The following ZNF225 variants were observed in gnomAD, a reference collection of about 807,000 sequenced individuals.
ZNF225 encodes zinc finger protein 225.
Under a neutral mutation model 12.0 loss-of-function variants are expected in ZNF225, and 6 were observed. The observed-to-expected ratio is 0.50, with a 90% CI of 0.27 to 0.98. The LOEUF (loss-of-function observed/expected upper bound fraction) is 0.98. Among genes scored for constraint, ZNF225 ranks in the 50% least tolerant of loss-of-function variants. The pLI is 0.11. For synonymous variants in ZNF225, 271 were observed against 283.2 expected (o/e 0.96, Z 0.43); for missense variants, 763 against 848.2 (o/e 0.90, Z 1.25).
chr19:44,128,255 A>G (rs1968187002), intron 4 of ZNF225, among the ~76,000 whole-genome samples: 1 of 152,212 alleles, frequency 6.6e-6, no homozygotes, highest in Non-Finnish European at 1.5e-5. Context: ...AGCGTGGTAT[A>G]TATTTCTGCA....
chr19:44,129,166 A>G (rs1350548513), intron 4 of ZNF225: 1 of 1,119,664 alleles, frequency 8.9e-7, no homozygotes, highest in Non-Finnish European at 1.1e-6. Context: ...AAATTCTTGT[A>G]CAGGAATACT....
intron 2 of ZNF225, among the ~76,000 whole-genome samples, chr19:44,116,620 AAAAG>A (rs1470516194): frequency 6.6e-6 from 1 of 152,252 alleles, no homozygotes; most frequent in Non-Finnish European, 1.5e-5. Context: ...ACAGAATAGA[AAAAG>A]AAAATCCAAA....
At chr19:44,118,442 G>T (rs1236777440) in intron 3 of ZNF225, 40 bp from the exon 4 acceptor site, 2 of 1,612,004 alleles carry the variant, frequency 1.2e-6, no homozygotes, top group South Asian at 2.2e-5. Flanking sequence ...TTTTTTCTAG[G>T]ATATATTGGC....
rs10418466 is a variant in ZNF225 at position 44,116,154 on chromosome 19, G to T, written c.15+312G>T. On this transcript the variant is annotated intron_variant, in intron 2 of 4. Transcript: ENST00000262894. ...TGGAATTGCAGATGTGAGCCACCGT[G>T]CCCGGCCGTATTTCTTCTCACTACT... is the stretch of plus-strand genomic sequence containing the variant. Among the ~76,000 whole-genome samples, 530 of 152,266 alleles carry T rather than the reference G, an allele frequency of 3.5e-3. 4 individuals are homozygous for T. The highest frequency in any genetic ancestry group is 0.012 in the African/African-American group (503 of 41,532).
At chr19:44,114,620 C>T (rs1967902190) in intron 1 of ZNF225, among the ~76,000 whole-genome samples, 1 of 152,168 alleles carries the variant, frequency 6.6e-6, no homozygotes. Flanking sequence ...AAGCTATTCT[C>T]CTGCCTCAGC....
upstream of ZNF225, among the ~76,000 whole-genome samples, chr19:44,112,567 C>A (rs543329368): frequency 6.6e-6 from 1 of 152,164 alleles, no homozygotes; most frequent in South Asian, 2.1e-4. Flanking sequence ...ACGTTAAAAA[C>A]GTTTTGCATA....
At chr19:44,115,974 G>A (rs1256325408) in intron 2 of ZNF225, 132 bp downstream of exon 2, 7 of 876,148 alleles carry the variant, frequency 8.0e-6, no homozygotes, top group Non-Finnish European at 1.2e-5. Context: ...TGATTCTCCT[G>A]CTTCAGCCTC....
rs768408152 is a variant in ZNF225, at chr19:44,132,549, C to T, written c.1935C>T (p.Leu645=). 6.2e-7 allele frequency: 1 copy of T among 1,614,088 alleles called. No homozygotes were observed. Among genetic ancestry groups the T allele is most frequent in the South Asian group, 1.1e-5 (1 of 91,076 alleles). ...CAACTCATCTAACCCATCAGAGACT[C>T]CACAGTAGAGAAAAACTACTTCAAT... ...WASTHLTHQR[L]HSREKLLQCE... is the part of the protein sequence containing the mutation. Residue 645 remains leucine (L), a synonymous_variant, in exon 5 of 5, where the codon CTC becomes CTT. Coordinates refer to ENST00000262894, the MANE Select transcript of ZNF225 (RefSeq NM_013362.4).
intron 4 of ZNF225, among the ~76,000 whole-genome samples, chr19:44,128,144 C>T (rs1481835381): frequency 1.3e-5 from 2 of 152,338 alleles, no homozygotes; most frequent in African/African-American, 4.8e-5. Context: ...CACCAACCCC[C>T]GGTTTCTCTT....
At chr19:44,119,768 T>A (rs1249261495) in intron 4 of ZNF225, among the ~76,000 whole-genome samples, 1 of 152,228 alleles carries the variant, frequency 6.6e-6, no homozygotes, top group Non-Finnish European at 1.5e-5. Context: ...TATGAATCAT[T>A]GTTCTGTCTA....
chr19:44,120,072 C>T (rs981453277), intron 4 of ZNF225, among the ~76,000 whole-genome samples: 3 of 152,102 alleles, frequency 2.0e-5, no homozygotes, highest in African/African-American at 2.4e-5. Flanking sequence ...ACAAAATTTG[C>T]CAGGCGTGGT....
At chr19:44,120,520 C>G (rs1040757983) in intron 4 of ZNF225, among the ~76,000 whole-genome samples, 1 of 152,136 alleles carries the variant, frequency 6.6e-6, no homozygotes, top group Admixed American at 6.5e-5. Flanking sequence ...TGAATGAGAG[C>G]TATTGCAGAA....
upstream of ZNF225, chr19:44,112,257 A>C (rs977982729): frequency 6.6e-6 from 1 of 152,200 alleles, no homozygotes; most frequent in Non-Finnish European, 1.5e-5. Flanking sequence ...AGAGAAGGGA[A>C]GATGGAGCCG....
intron 4 of ZNF225, chr19:44,128,765 A>G: frequency 3.0e-6 from 1 of 332,778 alleles, no homozygotes; most frequent in Non-Finnish European, 5.4e-6. Context: ...ATGCTATGAT[A>G]ATTTCTATTC....
chr19:44,130,791 T>C (rs1297765043), intron 4 of ZNF225, 59 bp from the exon 5 acceptor site: 1 of 1,476,796 alleles, frequency 6.8e-7, no homozygotes, highest in Non-Finnish European at 9.1e-7. Flanking sequence ...GTATGAAATC[T>C]TGATAACACT....
chr19:44,129,678 A>C (rs1165824277), intron 4 of ZNF225: 1 of 152,210 alleles, frequency 6.6e-6, no homozygotes, highest in East Asian at 1.9e-4. Flanking sequence ...GGTCTTTCTC[A>C]CATAGTGAGC....
chr19:44,128,288 TAAA>T (rs745413392), intron 4 of ZNF225, among the ~76,000 whole-genome samples: 20 of 152,246 alleles, frequency 1.3e-4, no homozygotes, highest in Non-Finnish European at 2.5e-4. Context: ...ACAAATTTGT[TAAA>T]CATGTTAAAG....
In ZNF225 at chr19:44,118,329, C is replaced by G. The variant is rs760215963; in HGVS notation, c.142+15C>G. 9 of 1,610,392 alleles carry G rather than the reference C, an allele frequency of 5.6e-6. No individual in the cohort carries two copies. The highest frequency in any genetic ancestry group is 7.6e-6 in the Non-Finnish European group (9 of 1,178,746). On this transcript the variant is annotated intron_variant, in intron 3 of 4. Coordinates refer to ENST00000262894, the MANE Select transcript of ZNF225 (RefSeq NM_013362.4). ...GCTCTCAGTGGGTGAGGACAGGCACCCTTTGTAAGGGAACATCAGGACCAG... is the reference window on the plus strand; with the variant it reads ...GCTCTCAGTGGGTGAGGACAGGCACGCTTTGTAAGGGAACATCAGGACCAG...
At position 44,132,689 on chromosome 19, in the gene ZNF225, G is replaced by A. The variant is rs761213484; in HGVS notation, c.2075G>A (p.Arg692His). The A allele has an allele frequency of 7.5e-6, 12 of 1,608,556 alleles. No individual in the cohort carries two copies. The South Asian group carries it at 7.8e-5, about 10-fold the overall frequency. The change falls in exon 5 of 5, where the codon CGC becomes CAC. Residue 692 changes from arginine (R) to histidine (H), a missense_variant. Arg to His is a conservative substitution (Grantham distance 29). Coordinates refer to ENST00000262894, the MANE Select transcript of ZNF225 (RefSeq NM_013362.4). ...CEDCGKRYKRRLNLDTLLSLF... is the reference protein window; with the variant it reads ...CEDCGKRYKRHLNLDTLLSLF... ...GACTGTGGGAAGCGCTACAAGAGGC[G>A]CTTGAATCTTGATACGCTTTTGTCA...
Sources: allele counts gnomAD v4.1 joint callset (sites outside exome capture counted in the v4.1 genomes callset), GRCh38; gene constraint gnomAD v4.1.1; transcripts MANE v1.5; gene names NCBI Gene and HGNC (gene_info 2026-07-23, HGNC 2026-07-21).